FNTB: variants seen among roughly 807,000 people sequenced by gnomAD.
FNTB encodes protein farnesyltransferase subunit beta.
In FNTB, 27 loss-of-function variants were observed where a neutral mutation model predicts 59.4. That is an observed-to-expected ratio of 0.45 (90% CI 0.34 to 0.63). FNTB has a LOEUF of 0.63. Ranked by LOEUF, FNTB falls within the 20% of genes least tolerant of loss-of-function variation. FNTB has a pLI of 0.02. For synonymous variants in FNTB, 230 were observed against 220.7 expected (o/e 1.04, Z -0.37); for missense variants, 449 against 559.6 (o/e 0.80, Z 1.99).
intron 7 of FNTB, among the ~76,000 whole-genome samples, chr14:65,038,192 C>G (rs540350380): frequency 1.3e-5 from 2 of 151,994 alleles, no homozygotes; most frequent in Non-Finnish European, 2.9e-5. Flanking sequence ...GGGCGGATCA[C>G]GAGGTCAGGA....
intron 8 of FNTB, among the ~76,000 whole-genome samples, chr14:65,041,798 G>A (rs1196231381): frequency 6.6e-6 from 1 of 152,122 alleles, no homozygotes; most frequent in Non-Finnish European, 1.5e-5. Flanking sequence ...TTTGTATGCT[G>A]AACTTAAGAG....
chr14:65,059,740 A>G (rs2062817731), intron 11 of FNTB, among the ~76,000 whole-genome samples: 1 of 151,898 alleles, frequency 6.6e-6, no homozygotes. Flanking sequence ...GTACTAGAAT[A>G]ACATCTATTT....
chr14:65,032,795 T>A lies in FNTB; in HGVS notation c.692+99T>A. Reference sequence around the variant, plus strand: ...AAATGCAGAGGGACTTGGAAGGAAATACAAAAATCACAGGAGATCCATTAG... The same window carrying A: ...AAATGCAGAGGGACTTGGAAGGAAAAACAAAAATCACAGGAGATCCATTAG... On this transcript the variant is annotated intron_variant, in intron 7 of 11. Coordinates refer to ENST00000246166, the MANE Select transcript of FNTB (RefSeq NM_002028.4). This position sits in a 1 kb window ranked among gnomAD's most constrained non-coding sequence, Gnocchi z 5.0. 1 of 1,169,102 alleles carries A rather than the reference T, an allele frequency of 8.6e-7. No homozygotes were observed. The highest frequency in any genetic ancestry group is 1.2e-6 in the Non-Finnish European group (1 of 847,330). The allele number at this position is 1,169,102 out of a possible 1,614,324, so 72.4% of individuals were successfully genotyped here.
intron 1 of FNTB, among the ~76,000 whole-genome samples, chr14:64,993,106 C>T (rs1433851247): frequency 6.6e-6 from 1 of 152,106 alleles, no homozygotes; most frequent in East Asian, 1.9e-4. Flanking sequence ...AGGCATGAGC[C>T]ACCGCGCCCA....
At position 65,057,414 on chromosome 14, in the gene FNTB, G is replaced by GC. The variant is rs577456113; in HGVS notation, c.1182+2730dup. Among the ~76,000 whole-genome samples the GC allele has an allele frequency of 5.0e-4, 76 of 152,178 alleles. 1 individual carries two copies. The South Asian group carries it at 0.015, about 30-fold the overall frequency. On this transcript the variant is annotated intron_variant, in intron 11 of 11. Transcript: ENST00000246166. ...AGTCTGGGAGATAGAGTGAGACCCT[G>GC]CCCCCAGCACCCCTTCCCCACAAAA...
rs369682663 is a variant in FNTB at position 65,050,872 on chromosome 14, A to G, written c.956-2366A>G. 2.5e-4 allele frequency among the ~76,000 whole-genome samples: 38 copies of G among 152,342 alleles called. No individual in the cohort carries two copies. In the East Asian group the frequency reaches 6.5e-3, roughly 26 times the overall value. On this transcript the variant is annotated intron_variant, in intron 9 of 11. Transcript: ENST00000246166. ...CTATTTGAAGAAAATAATCTTAAGC[A>G]TACATAATATTGACAAAGATTTAGT...
intron 1 of FNTB, among the ~76,000 whole-genome samples, chr14:64,995,495 T>G (rs1018003458): frequency 6.6e-6 from 1 of 152,032 alleles, no homozygotes; most frequent in Non-Finnish European, 1.5e-5. Context: ...TGCTTTGTGC[T>G]ACAACATCAT....
At position 65,027,353 on chromosome 14, in the gene FNTB, G is replaced by A; in HGVS notation, c.375-100G>A. ...GAGAGGTTCCCCTCAACTTTTGAGG[G>A]AGTGGGGGATCATTGGAAAGGCCTG... On this transcript the variant is annotated intron_variant, in intron 4 of 11. Transcript: ENST00000246166. This position sits in a 1 kb window ranked among gnomAD's most constrained non-coding sequence, Gnocchi z 5.7. 6.5e-7 allele frequency: 1 copy of A among 1,550,078 alleles called. No homozygotes were observed.
chr14:65,057,903 C>A (rs1228202983), intron 11 of FNTB, among the ~76,000 whole-genome samples: 1 of 152,108 alleles, frequency 6.6e-6, no homozygotes, highest in Non-Finnish European at 1.5e-5. Flanking sequence ...TATTTTGTTC[C>A]TTTGGTCTGT....
chr14:65,061,364 G>C lies in FNTB; in HGVS notation c.*52G>C. 1 of 1,610,200 alleles carries C rather than the reference G, an allele frequency of 6.2e-7. No individual in the cohort carries two copies. The highest frequency in any genetic ancestry group is 8.5e-7 in the Non-Finnish European group (1 of 1,179,062). ...CTCACCCATCTCCCCAGTCAGACAA[G>C]GTTTATACGTTTCAATACATACTGC... On this transcript the variant is annotated 3_prime_UTR_variant, in exon 12 of 12. Transcript: ENST00000246166.
chr14:65,059,128 T>C (rs1283343536), intron 11 of FNTB, among the ~76,000 whole-genome samples: 1 of 152,162 alleles, frequency 6.6e-6, no homozygotes, highest in African/African-American at 2.4e-5. Context: ...GCTCAAGCTA[T>C]CCTCCTGCCT....
intron 11 of FNTB, among the ~76,000 whole-genome samples, chr14:65,059,847 T>C (rs1385101141): frequency 2.7e-5 from 4 of 150,454 alleles, no homozygotes; most frequent in Non-Finnish European, 5.9e-5. Context: ...CTTTTTTTTT[T>C]TTTTTTGAGA....
intron 2 of FNTB, chr14:65,006,377 C>A: frequency 6.5e-7 from 1 of 1,542,478 alleles, no homozygotes; most frequent in Non-Finnish European, 8.8e-7. Flanking sequence ...AATGCTCTGA[C>A]CTCAATAAAA....
At chr14:65,015,410 CTTT>C (rs888923691) in intron 3 of FNTB, 2,802 of 155,092 alleles carry the variant, frequency 0.018, no homozygotes, top group East Asian at 0.043. Context: ...GCCTTGTTAT[CTTT>C]TTTTTTTTTT....
At position 65,032,522 on chromosome 14, in the gene FNTB, G is replaced by T; in HGVS notation, c.606-88G>T. On this transcript the variant is annotated intron_variant, in intron 6 of 11. Coordinates refer to ENST00000246166, the MANE Select transcript of FNTB (RefSeq NM_002028.4). The surrounding 1 kb of genome is among the most constrained non-coding windows in gnomAD (Gnocchi z 5.0). The stretch of plus-strand genomic sequence containing the variant: ...ACAGGAGGTGATTACAGCTTACTAG[G>T]CAAGGCGAGCAGTCCGCCCGCGGAG... 1.4e-6 allele frequency: 2 copies of T among 1,443,968 alleles called. No homozygotes were observed. Among genetic ancestry groups the T allele is most frequent in the Non-Finnish European group, 1.9e-6 (2 of 1,067,512 alleles). The allele number at this position is 1,443,968 out of a possible 1,614,324, so 89.4% of individuals were successfully genotyped here.
chr14:65,061,353 C>T lies in FNTB; in HGVS notation c.*41C>T. The T allele has an allele frequency of 6.2e-7, 1 of 1,611,966 alleles. No homozygotes were observed. Among genetic ancestry groups the T allele is most frequent in the East Asian group, 2.2e-5 (1 of 44,864 alleles). ...GCAGCTCTTTGCTCACCCATCTCCCCAGTCAGACAAGGTTTATACGTTTCA... is the reference window on the plus strand; with the variant it reads ...GCAGCTCTTTGCTCACCCATCTCCCTAGTCAGACAAGGTTTATACGTTTCA... On this transcript the variant is annotated 3_prime_UTR_variant, in exon 12 of 12. Coordinates refer to ENST00000246166, the MANE Select transcript of FNTB (RefSeq NM_002028.4).
intron 2 of FNTB, among the ~76,000 whole-genome samples, chr14:65,010,619 A>G (rs2061667825): frequency 6.6e-6 from 1 of 152,210 alleles, no homozygotes; most frequent in South Asian, 2.1e-4. Flanking sequence ...ACACATACTG[A>G]CTACCTACTG....
intron 3 of FNTB, among the ~76,000 whole-genome samples, chr14:65,013,325 CT>C (rs11413261): frequency 3.1e-4 from 46 of 146,744 alleles, no homozygotes; most frequent in Admixed American, 3.4e-4. Context: ...TCTTTGTTTC[CT>C]TTTTTTTTTT....
At chr14:65,037,398 G>A (rs1431910168) in intron 7 of FNTB, among the ~76,000 whole-genome samples, 5 of 15,884 alleles carry the variant, frequency 3.1e-4, no homozygotes, top group East Asian at 1.5e-3. Flanking sequence ...CCACCACGCC[G>A]GGCCCTTTTT....
Sources: allele counts gnomAD v4.1 joint callset (sites outside exome capture counted in the v4.1 genomes callset), GRCh38; gene constraint gnomAD v4.1.1; non-coding constraint Gnocchi (gnomAD v3.1); transcripts MANE v1.5; gene names NCBI Gene and HGNC (gene_info 2026-07-23, HGNC 2026-07-21).